Variants in FAAP100 observed in about 807,000 individuals in gnomAD.
The protein encoded by FAAP100 is Fanconi anemia core complex-associated protein 100.
In FAAP100, 46 loss-of-function variants were observed where a neutral mutation model predicts 65.8. The ratio of observed to expected loss-of-function variants is 0.70; its 90% CI spans 0.55 to 0.89. FAAP100 has a LOEUF of 0.89. FAAP100 is among the 40% of genes least tolerant of loss of function. The probability of loss-of-function intolerance (pLI) is 0.00; values close to 1 mark genes in which losing one functional copy is unlikely to be tolerated. For synonymous variants in FAAP100, 663 were observed against 555.1 expected (o/e 1.19, Z -2.73); for missense variants, 1,165 against 1,196.7 (o/e 0.97, Z 0.39).
rs748803666 is a variant in FAAP100, at chr17:81,550,422, C to CG, written c.1071dup (p.Val358ArgfsTer8). The CG allele has an allele frequency of 6.2e-7, 1 of 1,612,200 alleles. No homozygotes were observed. On this transcript the variant is annotated frameshift_variant, in exon 3 of 9. Coordinates refer to ENST00000327787, the MANE Select transcript of FAAP100 (RefSeq NM_025161.6). LOFTEE classifies it high-confidence loss of function. Reference sequence around the variant, plus strand: ...AGGTCAGAAGGGGTGCTGTGGTACACGCGGCCACCCCCGCCACAGGCAGCG... The same window carrying CG: ...AGGTCAGAAGGGGTGCTGTGGTACACGGCGGCCACCCCCGCCACAGGCAGCG...
Position 81,541,388 on chromosome 17 carries a change from A to T in FAAP100, c.2435T>A (p.Val812Glu). 1 of 1,607,980 alleles carries T rather than the reference A, an allele frequency of 6.2e-7. No homozygotes were observed. The highest frequency in any genetic ancestry group is 8.5e-7 in the Non-Finnish European group (1 of 1,177,456). The change falls in exon 8 of 9, where the codon GTG (valine) becomes GAG (glutamate). Residue 812 changes from valine to glutamate, a missense_variant. Val to Glu is a moderately radical substitution (Grantham distance 121). Transcript: ENST00000327787. ...HAVVGRMQTMVTEQATQGSSA... is the reference protein window; with the variant it reads ...HAVVGRMQTMETEQATQGSSA... ...GGAGCCCTGGGTGGCCTGCTCTGTC[A>T]CCATCGTCTGGGGGACACAGGAGAC...
At chr17:81,541,744 C>T (rs78334622) in intron 7 of FAAP100, among the ~76,000 whole-genome samples, 4,623 of 152,252 alleles carry the variant, frequency 0.03, 214 homozygotes, top group African/African-American at 0.11. Flanking sequence ...GCCTGAAGGC[C>T]GCTCAGGAGA....
In FAAP100 at chr17:81,549,190, G is replaced by A. The variant is rs10451312; in HGVS notation, c.1403+16C>T. On this transcript the variant is annotated intron_variant, in intron 4 of 8. Transcript: ENST00000327787. ...GGCAGCGCCAGCCTCTACCCGGTCC[G>A]AGCTGAGCTGCTCACCTCTCAGAGA... The A allele has an allele frequency of 0.011, 17,111 of 1,610,260 alleles. 1,616 individuals carry two copies. In the African/African-American group the frequency reaches 0.2, roughly 19 times the overall value.
intron 7 of FAAP100, 95 bp from the exon 8 acceptor site, chr17:81,541,490 G>C: frequency 1.8e-6 from 2 of 1,105,252 alleles, no homozygotes; most frequent in African/African-American, 1.5e-5. Flanking sequence ...GAGCTGCCTG[G>C]TGCTGCCTCC....
Position 81,552,314 on chromosome 17 carries a change from G to A in FAAP100, c.17C>T (p.Pro6Leu). ...GAAGCCCGCCAGGTAGCGGACCCGC[G>A]GCGCGGCGCCGGCCATCGTGCGCGC... is the stretch of plus-strand genomic sequence containing the variant. MAGAA[P>L]RVRYLAGFCC... The change falls in exon 1 of 9, where the codon CCG (proline) becomes CTG (leucine). Residue 6 changes from proline (P) to leucine (L), a missense_variant. Transcript: ENST00000327787. 5.7e-6 allele frequency: 8 copies of A among 1,411,156 alleles called. No homozygotes were observed. Among genetic ancestry groups the A allele is most frequent in the South Asian group, 1.5e-5 (1 of 67,678 alleles). 87.4% of individuals were successfully genotyped at this position (1,411,156 alleles called of 1,614,324 possible).
rs80199228 is a variant in FAAP100 at position 81,547,086 on chromosome 17, G to C, written c.1996C>G (p.Pro666Ala). ...PGLAPPHTRA[P>A]SPLGPTRDPV... is the part of the protein sequence containing the mutation. ...TCTCGGGTGGGGCCGAGTGGGGAGG[G>C]GGCCCGTGTGTGTGGCGGGGCCAGG... The change falls in exon 5 of 9, where the codon CCC becomes GCC. Residue 666 changes from proline to alanine, a missense_variant. Pro to Ala is a conservative substitution (Grantham distance 27). Transcript: ENST00000327787. 1.3e-6 allele frequency: 2 copies of C among 1,533,838 alleles called. No homozygotes were observed.
At chr17:81,543,250 G>A (rs2033183355) in intron 7 of FAAP100, among the ~76,000 whole-genome samples, 1 of 152,186 alleles carries the variant, frequency 6.6e-6, no homozygotes, top group South Asian at 2.1e-4. Flanking sequence ...CAGGCCCTGG[G>A]TCTCAGGGTT....
Position 81,552,185 on chromosome 17 carries a change from T to A in FAAP100, c.146A>T (p.Gln49Leu). The A allele has an allele frequency of 1.3e-6, 2 of 1,497,002 alleles. No individual in the cohort carries two copies. The allele number at this position is 1,497,002 out of a possible 1,614,324, so 92.7% of individuals were successfully genotyped here. Residue 49 changes from glutamine to leucine, a missense_variant, in exon 1 of 9, where the codon CAG (glutamine) becomes CTG (leucine). Coordinates refer to ENST00000327787, the MANE Select transcript of FAAP100 (RefSeq NM_025161.6). ...TGSELVYVYDQEGGLLTAAFR... is the reference protein window; with the variant it reads ...TGSELVYVYDLEGGLLTAAFR... ...GCTCACGGTCAGCAGCCCGCCCTCC[T>A]GGTCGTACACGTAGACGAGCTCGCT...
At chr17:81,541,772 C>T (rs1171769027) in intron 7 of FAAP100, among the ~76,000 whole-genome samples, 1 of 152,172 alleles carries the variant, frequency 6.6e-6, no homozygotes, top group East Asian at 1.9e-4. Context: ...AGCCAGGGAG[C>T]TGCCTCGGCG....
At chr17:81,543,400 C>T (rs1037850366) in intron 7 of FAAP100, among the ~76,000 whole-genome samples, 3 of 152,304 alleles carry the variant, frequency 2.0e-5, no homozygotes, top group African/African-American at 7.2e-5. Flanking sequence ...ACAGTCCTAG[C>T]GGGCGGGCGT....
chr17:81,547,943 C>G (rs2033369910), intron 4 of FAAP100: 1 of 704,414 alleles, frequency 1.4e-6, no homozygotes, highest in Admixed American at 2.0e-5. Flanking sequence ...GAGGATGAAG[C>G]TGGTGCTCCG....
chr17:81,547,166 C>G lies in FAAP100; in HGVS notation c.1916G>C (p.Cys639Ser). 6.5e-7 allele frequency: 1 copy of G among 1,545,850 alleles called. No individual in the cohort carries two copies. The highest frequency in any genetic ancestry group is 8.7e-7 in the Non-Finnish European group (1 of 1,143,798). Residue 639 changes from cysteine (C) to serine (S), a missense_variant, in exon 5 of 9, where the codon TGC becomes TCC. Cys to Ser is a moderately radical substitution (Grantham distance 112). Coordinates refer to ENST00000327787, the MANE Select transcript of FAAP100 (RefSeq NM_025161.6). ...SDVLPEQEGV[C>S]LPLSRHTVDM... ...CACTGTGTGCCTGCTCAGGGGCAGG[C>G]AAACACCCTCTTGCTCGGGCAGGAC...
intron 2 of FAAP100, chr17:81,551,666 C>A: frequency 1.5e-6 from 2 of 1,305,594 alleles, no homozygotes; most frequent in Non-Finnish European, 9.7e-7. Context: ...CAGCACCGGG[C>A]CACCAGGGCC....
rs2033059861 is a variant in FAAP100, at chr17:81,540,745, CTAACCCA to C, written c.*67_*73del. On this transcript the variant is annotated 3_prime_UTR_variant, in exon 9 of 9. Coordinates refer to ENST00000327787, the MANE Select transcript of FAAP100 (RefSeq NM_025161.6). ...CTGGCCAGGCCAGCTCGGTTTCCCT[CTAACCCA>C]TGAGGCCTGGGGGGGCTGTGACAGA... The C allele has an allele frequency of 3.5e-6, 5 of 1,431,506 alleles. No homozygotes were observed. The highest frequency in any genetic ancestry group is 4.6e-6 in the Non-Finnish European group (5 of 1,092,986). The allele number at this position is 1,431,506 out of a possible 1,614,324, so 88.7% of individuals were successfully genotyped here. A position where few individuals can be genotyped will look rare whatever the true frequency, so the allele number is the denominator to read the frequency against.
chr17:81,542,234 TGA>T (rs2033143630), intron 7 of FAAP100, among the ~76,000 whole-genome samples: 1 of 93,966 alleles, frequency 1.1e-5, no homozygotes, highest in South Asian at 3.8e-4. Flanking sequence ...TATATATATA[TGA>T]AATCAGCCAG....
At chr17:81,540,981 C>A in intron 8 of FAAP100, 31 bp from the exon 9 acceptor site, 1 of 1,541,886 alleles carries the variant, frequency 6.5e-7, no homozygotes. Context: ...GCTCAGGCCC[C>A]CCACCTGGCC....
intron 6 of FAAP100, among the ~76,000 whole-genome samples, chr17:81,545,124 C>T (rs1214370007): frequency 6.6e-6 from 1 of 152,192 alleles, no homozygotes; most frequent in Non-Finnish European, 1.5e-5. Context: ...GAGTCAAAAT[C>T]GCACCACTGG....
At chr17:81,550,154 GC>G in intron 3 of FAAP100, 93 bp downstream of exon 3, 2 of 1,227,624 alleles carry the variant, frequency 1.6e-6, no homozygotes, top group Non-Finnish European at 2.3e-6. Context: ...AAAAGAACAA[GC>G]CCAGGAAAGG....
At chr17:81,541,433 C>G in intron 7 of FAAP100, 38 bp from the exon 8 acceptor site, 2 of 1,529,016 alleles carry the variant, frequency 1.3e-6, no homozygotes, top group Non-Finnish European at 1.8e-6. Flanking sequence ...AGGGTGTGCC[C>G]CAGCACCTGC....
Sources: gnomAD v4.1 joint callset for allele counts (sites outside exome capture counted in the v4.1 genomes callset) on GRCh38, gnomAD v4.1.1 for gene constraint, MANE v1.5 for transcripts, NCBI Gene and HGNC (gene_info 2026-07-23, HGNC 2026-07-21) for gene names.